CORO2B: variants seen among roughly 807,000 people sequenced by gnomAD.
The protein encoded by CORO2B is coronin 2B, also known as coronin-2B.
In CORO2B, 26 loss-of-function variants were observed where a neutral mutation model predicts 58.8. The observed-to-expected ratio is 0.44, with a 90% CI of 0.32 to 0.61. The LOEUF is 0.61. CORO2B is among the 20% of genes least tolerant of loss of function. The pLI, the probability that CORO2B is intolerant of heterozygous loss-of-function variation, is 0.04. For synonymous variants in CORO2B, 242 were observed against 253.8 expected, an observed-to-expected ratio of 0.95 and a Z score of 0.44; for missense variants, 460 against 645.1, an observed-to-expected ratio of 0.71 and a Z score of 3.11.
intron 2 of CORO2B, among the ~76,000 whole-genome samples, chr15:68,692,125 G>C (rs1263121962): frequency 6.6e-6 from 1 of 152,214 alleles, no homozygotes; most frequent in Admixed American, 6.5e-5. Context: ...AATCACACCT[G>C]TGTGGAAATC....
the CORO2B span, among the ~76,000 whole-genome samples, chr15:68,546,185 C>T: frequency 6.6e-5 from 10 of 152,144 alleles, no homozygotes; most frequent in Admixed American, 3.9e-4. Context: ...TCTGCTGTCA[C>T]GAGGTTGACC....
chr15:68,615,260 C>T (rs1229538941), intron 1 of CORO2B, among the ~76,000 whole-genome samples: 3 of 152,114 alleles, frequency 2.0e-5, no homozygotes, highest in East Asian at 3.8e-4. Context: ...CCCTAGGGCA[C>T]CCATGAGACA....
chr15:68,623,734 G>A (rs962297174), intron 1 of CORO2B, among the ~76,000 whole-genome samples: 1 of 152,204 alleles, frequency 6.6e-6, no homozygotes, highest in Non-Finnish European at 1.5e-5. Flanking sequence ...AGGCAGGGCT[G>A]GGTGAGGATT....
intron 2 of CORO2B, among the ~76,000 whole-genome samples, chr15:68,690,666 T>C (rs35219137): frequency 2.7e-4 from 40 of 149,340 alleles, no homozygotes; most frequent in Non-Finnish European, 5.5e-4. Flanking sequence ...TTTTTTTTTT[T>C]TGAGACAGGG....
intron 1 of CORO2B, among the ~76,000 whole-genome samples, chr15:68,636,753 G>A (rs539921794): frequency 8.8e-4 from 134 of 152,196 alleles, no homozygotes; most frequent in Non-Finnish European, 5.1e-4. Flanking sequence ...TGGAGGTTTG[G>A]ATTGATTCTT....
chr15:68,647,699 A>AG (rs1287127994), intron 2 of CORO2B, among the ~76,000 whole-genome samples: 6 of 148,690 alleles, frequency 4.0e-5, no homozygotes, highest in South Asian at 2.1e-4. Context: ...CAAAAAAAAA[A>AG]AAAGAAAGAA....
chr15:68,589,345 A>G (rs1245805985), intron 1 of CORO2B, among the ~76,000 whole-genome samples: 1 of 152,222 alleles, frequency 6.6e-6, no homozygotes, highest in Non-Finnish European at 1.5e-5. Flanking sequence ...TCAAAGGGCT[A>G]TGCATGCCAG....
chr15:68,584,856 G>A (rs1223425782), intron 1 of CORO2B, among the ~76,000 whole-genome samples: 1 of 152,088 alleles, frequency 6.6e-6, no homozygotes, highest in African/African-American at 2.4e-5. Context: ...TGCCAGGGAA[G>A]GACAGATGCA....
chr15:68,636,363 G>T (rs1243934637), intron 1 of CORO2B, among the ~76,000 whole-genome samples: 1 of 152,182 alleles, frequency 6.6e-6, no homozygotes, highest in African/African-American at 2.4e-5. Flanking sequence ...AAGGCTGCAG[G>T]GATTCAGGGC....
intron 3 of CORO2B, among the ~76,000 whole-genome samples, chr15:68,700,412 C>T (rs1196464270): frequency 1.4e-5 from 2 of 144,692 alleles, no homozygotes; most frequent in African/African-American, 5.8e-5. Context: ...TGGGATTTCA[C>T]GAGCCCTGAT....
At chr15:68,680,557 C>A (rs987439960) in intron 2 of CORO2B, among the ~76,000 whole-genome samples, 5 of 152,190 alleles carry the variant, frequency 3.3e-5, no homozygotes, top group Non-Finnish European at 1.5e-5. Flanking sequence ...ATTAGGTCCA[C>A]CGTCTATGGC....
At chr15:68,612,595 C>A (rs559249713) in intron 1 of CORO2B, among the ~76,000 whole-genome samples, 1 of 152,272 alleles carries the variant, frequency 6.6e-6, no homozygotes, top group African/African-American at 2.4e-5. Context: ...GGCTGTTCAG[C>A]AGTTGGAGCA....
intron 2 of CORO2B, among the ~76,000 whole-genome samples, chr15:68,679,231 G>C (rs1198693330): frequency 6.6e-6 from 1 of 152,202 alleles, no homozygotes; most frequent in East Asian, 1.9e-4. Flanking sequence ...GCCCAGGGAG[G>C]GTTCTTGTCT....
chr15:68,712,363 C>T (rs1032915001), intron 5 of CORO2B, among the ~76,000 whole-genome samples: 2 of 152,142 alleles, frequency 1.3e-5, no homozygotes, highest in African/African-American at 2.4e-5. Flanking sequence ...AGAAAGTTTT[C>T]TAGTACTATA....
intron 1 of CORO2B, among the ~76,000 whole-genome samples, chr15:68,626,017 G>A (rs1900671245): frequency 6.6e-6 from 1 of 152,092 alleles, no homozygotes; most frequent in South Asian, 2.1e-4. Context: ...TTTCTTCCTG[G>A]GGTAATTTAA....
At chr15:68,551,357 C>T in the CORO2B span, among the ~76,000 whole-genome samples, 2 of 152,262 alleles carry the variant, frequency 1.3e-5, no homozygotes, top group African/African-American at 4.8e-5. Context: ...CCCCGCAGGC[C>T]CAGGCCCAAC....
At chr15:68,658,796 G>C (rs1461598540) in intron 2 of CORO2B, among the ~76,000 whole-genome samples, 3 of 152,226 alleles carry the variant, frequency 2.0e-5, no homozygotes, top group Non-Finnish European at 4.4e-5. Flanking sequence ...TGTCCAAAGA[G>C]AGCTTATACC....
intron 1 of CORO2B, among the ~76,000 whole-genome samples, chr15:68,594,708 G>A (rs1264499170): frequency 6.6e-6 from 1 of 152,226 alleles, no homozygotes; most frequent in Admixed American, 6.5e-5. Flanking sequence ...AATGAGCAGA[G>A]GTGGAATTTC....
chr15:68,614,981 G>A (rs1223109741), intron 1 of CORO2B, among the ~76,000 whole-genome samples: 2 of 152,330 alleles, frequency 1.3e-5, no homozygotes, highest in Non-Finnish European at 2.9e-5. Context: ...TGTTTACCAG[G>A]CACTGGGATG....
Sources: allele counts gnomAD v4.1 joint callset (sites outside exome capture counted in the v4.1 genomes callset), GRCh38; gene constraint gnomAD v4.1.1; transcripts MANE v1.5; gene names NCBI Gene and HGNC (gene_info 2026-07-23, HGNC 2026-07-21).